Variants in DIAPH1 observed in about 807,000 individuals in gnomAD.
DIAPH1 encodes protein diaphanous homolog 1.
DIAPH1 carries 46 observed loss-of-function variants against 140.7 expected under a neutral mutation model. The ratio of observed to expected loss-of-function variants is 0.33; its 90% CI spans 0.26 to 0.42. The LOEUF is 0.42. Among genes scored for constraint, DIAPH1 ranks in the 10% least tolerant of loss-of-function variants. The pLI is 1.00. For missense variants in DIAPH1, 1,310 were observed against 1,558.7 expected (o/e 0.84, Z 2.69); for synonymous variants, 565 against 551.6 (o/e 1.02, Z -0.34).
rs1016143166 is a variant in DIAPH1, at chr5:141,571,375, C to T, written c.2482+53G>A. 4 of 1,452,436 alleles carry T rather than the reference C, an allele frequency of 2.8e-6. No homozygotes were observed. The African/African-American group carries it at 4.3e-5, about 16-fold the overall frequency. 90.0% of individuals were successfully genotyped at this position (1,452,436 alleles called of 1,614,324 possible). ...AGAAATTCCTTTATATCTATTTCATCTTTTTCTCTAATATTCAAGAGACCA... is the reference window on the plus strand; with the variant it reads ...AGAAATTCCTTTATATCTATTTCATTTTTTTCTCTAATATTCAAGAGACCA... On this transcript the variant is annotated intron_variant, in intron 18 of 27. Transcript: ENST00000389054.
chr5:141,544,203 G>A (rs2099890437), intron 18 of DIAPH1, among the ~76,000 whole-genome samples: 1 of 152,008 alleles, frequency 6.6e-6, no homozygotes, highest in African/African-American at 2.4e-5. Context: ...CCAGCTACTC[G>A]GGAGGCTGAG....
At chr5:141,574,351 A>G in intron 15 of DIAPH1, 143 bp from the exon 16 acceptor site, 1 of 802,202 alleles carries the variant, frequency 1.2e-6, no homozygotes, top group Non-Finnish European at 2.0e-6. Context: ...TGACATGATC[A>G]CCTAAAGTCA....
intron 1 of DIAPH1, among the ~76,000 whole-genome samples, chr5:141,590,361 G>A (rs1043279716): frequency 6.6e-6 from 1 of 152,184 alleles, no homozygotes; most frequent in Non-Finnish European, 1.5e-5. Context: ...ATCTTGCCAT[G>A]AGAAAGGGTC....
intron 18 of DIAPH1, among the ~76,000 whole-genome samples, chr5:141,538,843 T>C (rs1189244342): frequency 6.6e-6 from 1 of 152,192 alleles, no homozygotes; most frequent in Admixed American, 6.5e-5. Flanking sequence ...GCTGGGATTA[T>C]AGACATGAGC....
At chr5:141,560,307 C>CA (rs2099893318) in intron 18 of DIAPH1, among the ~76,000 whole-genome samples, 1 of 152,210 alleles carries the variant, frequency 6.6e-6, no homozygotes, top group Non-Finnish European at 1.5e-5. Flanking sequence ...TTTACACTGT[C>CA]AGTCACTGGA....
At position 141,556,703 on chromosome 5, in the gene DIAPH1, A is replaced by T. The variant is rs1432514432; in HGVS notation, c.2482+14725T>A. Among the ~76,000 whole-genome samples, 3 of 151,944 alleles carry T rather than the reference A, an allele frequency of 2.0e-5. No homozygotes were observed. In the South Asian group the frequency reaches 6.2e-4, roughly 32 times the overall value. On this transcript the variant is annotated intron_variant, in intron 18 of 27. Coordinates refer to ENST00000389054, the MANE Select transcript of DIAPH1 (RefSeq NM_005219.5). Reference sequence around the variant, plus strand: ...CTTCTTTTTATTTATTTATTTATTTATTTTTTGAAATGGAGTCTCACTCTG... The same window carrying T: ...CTTCTTTTTATTTATTTATTTATTTTTTTTTTGAAATGGAGTCTCACTCTG...
chr5:141,581,024 A>G, intron 7 of DIAPH1, 141 bp from the exon 8 acceptor site: 1 of 926,174 alleles, frequency 1.1e-6, no homozygotes, highest in South Asian at 1.4e-5. Context: ...CTCAAAATGT[A>G]ACCTCATCTG....
intron 18 of DIAPH1, among the ~76,000 whole-genome samples, chr5:141,550,141 C>T (rs1280871165): frequency 1.3e-5 from 2 of 151,734 alleles, no homozygotes; most frequent in Middle Eastern, 3.4e-3. Flanking sequence ...ACTTTCTATA[C>T]TGATTAAAAA....
At chr5:141,588,545 G>A (rs1224498455) in intron 1 of DIAPH1, among the ~76,000 whole-genome samples, 1 of 149,926 alleles carries the variant, frequency 6.7e-6, no homozygotes, top group African/African-American at 2.5e-5. Flanking sequence ...ACACTTATAA[G>A]ATATGCTCAA....
chr5:141,617,300 G>C (rs576520004), intron 1 of DIAPH1, among the ~76,000 whole-genome samples: 1 of 151,100 alleles, frequency 6.6e-6, no homozygotes, highest in Non-Finnish European at 1.5e-5. Flanking sequence ...ATATTTCTAG[G>C]GGGGGAAAAA....
intron 1 of DIAPH1, among the ~76,000 whole-genome samples, chr5:141,592,913 A>C (rs1036041833): frequency 6.6e-6 from 1 of 152,204 alleles, no homozygotes; most frequent in African/African-American, 2.4e-5. Flanking sequence ...CAAAACATCT[A>C]ATTTCTCTCC....
At chr5:141,587,579 G>T in intron 2 of DIAPH1, 1 of 278,318 alleles carries the variant, frequency 3.6e-6, no homozygotes, top group East Asian at 9.2e-5. Flanking sequence ...AACAATAAAT[G>T]TTGCTAGGAC....
chr5:141,572,112 G>C (rs979983741), intron 16 of DIAPH1, 72 bp from the exon 17 acceptor site: 12 of 1,105,394 alleles, frequency 1.1e-5, no homozygotes, highest in Non-Finnish European at 1.7e-5. Context: ...AAACGGATGA[G>C]GCTGTAAAAT....
At chr5:141,527,813 A>G in intron 23 of DIAPH1, 116 bp from the exon 24 acceptor site, 1 of 1,242,124 alleles carries the variant, frequency 8.1e-7, no homozygotes, top group Non-Finnish European at 1.1e-6. Context: ...GTCTATACAC[A>G]CATTCTGGTA....
intron 20 of DIAPH1, among the ~76,000 whole-genome samples, 153 bp from the exon 21 acceptor site, chr5:141,529,426 G>A (rs2099887877): frequency 6.6e-6 from 1 of 152,108 alleles, no homozygotes; most frequent in Non-Finnish European, 1.5e-5. Context: ...CTGAGATGGG[G>A]GTACTTTTGC....
chr5:141,528,487 T>C lies in DIAPH1; in HGVS notation c.3114A>G (p.Pro1038=), dbSNP rs2099887722. ...ENDYPDVLKF[P]DELAHVEKAS... ...CTTTCTCCACATGGGCAAGCTCGTC[T>C]GGAAACTTGAGGACATCGGGATAGT... Residue 1038 remains proline (P), a synonymous_variant, in exon 23 of 28, where the codon CCA becomes CCG. Coordinates refer to ENST00000389054, the MANE Select transcript of DIAPH1 (RefSeq NM_005219.5). The C allele has an allele frequency of 6.2e-7, 1 of 1,614,120 alleles. No individual in the cohort carries two copies. The highest frequency in any genetic ancestry group is 8.5e-7 in the Non-Finnish European group (1 of 1,180,060).
intron 23 of DIAPH1, 117 bp downstream of exon 23, chr5:141,528,336 T>C: frequency 6.8e-7 from 1 of 1,463,112 alleles, no homozygotes; most frequent in Non-Finnish European, 9.5e-7. Flanking sequence ...GCCTAAATCC[T>C]ATCTCATTTC....
intron 18 of DIAPH1, among the ~76,000 whole-genome samples, chr5:141,569,866 G>T (rs2099894897): frequency 6.6e-6 from 1 of 152,154 alleles, no homozygotes; most frequent in Non-Finnish European, 1.5e-5. Flanking sequence ...AAGTATACTT[G>T]CTGTCATACT....
Position 141,578,114 on chromosome 5 carries a change from G to A in DIAPH1, c.1163+111C>T, listed in dbSNP as rs531325775. Reference sequence around the variant, plus strand: ...CCTTATTTAATGAGAAGACACATAAGCCTGATGCTCTGTTCTGAGTCATCA... The same window carrying A: ...CCTTATTTAATGAGAAGACACATAAACCTGATGCTCTGTTCTGAGTCATCA... On this transcript the variant is annotated intron_variant, in intron 11 of 27. Coordinates refer to ENST00000389054, the MANE Select transcript of DIAPH1 (RefSeq NM_005219.5). 5.9e-6 allele frequency: 5 copies of A among 844,012 alleles called. No homozygotes were observed. The Admixed American group carries it at 8.5e-5, about 14-fold the overall frequency. The allele number at this position is 844,012 out of a possible 1,614,324, so 52.3% of individuals were successfully genotyped here. A position where few individuals can be genotyped will look rare whatever the true frequency, so the allele number is the denominator to read the frequency against.
Sources: allele counts gnomAD v4.1 joint callset (sites outside exome capture counted in the v4.1 genomes callset), GRCh38; gene constraint gnomAD v4.1.1; transcripts MANE v1.5; gene names NCBI Gene and HGNC (gene_info 2026-07-23, HGNC 2026-07-21).